The following ADAMTS12 variants were observed in gnomAD, a reference collection of about 807,000 sequenced individuals.
ADAMTS12 encodes the protein ADAM metallopeptidase with thrombospondin type 1 motif 12, also known as A disintegrin and metalloproteinase with thrombospondin motifs 12.
Under a neutral mutation model 167.8 loss-of-function variants are expected in ADAMTS12, and 118 were observed. The ratio of observed to expected loss-of-function variants is 0.70; its 90% CI spans 0.61 to 0.82. ADAMTS12 has a LOEUF of 0.82. Ranked by LOEUF, ADAMTS12 falls within the 40% of genes least tolerant of loss-of-function variation. The pLI, the probability that ADAMTS12 is intolerant of heterozygous loss-of-function variation, is 0.00. For synonymous variants in ADAMTS12, 704 were observed against 716.9 expected, an observed-to-expected ratio of 0.98 and a Z score of 0.29; for missense variants, 1,916 against 1,998.8, an observed-to-expected ratio of 0.96 and a Z score of 0.79.
At position 33,760,920 on chromosome 5, in the gene ADAMTS12, T is replaced by TGTGTGTGC. The variant is rs1323504319; in HGVS notation, c.490-9373_490-9372insGCACACAC. Among the ~76,000 whole-genome samples the TGTGTGTGC allele has an allele frequency of 3.9e-3, 565 of 146,278 alleles. 4 individuals are homozygous for TGTGTGTGC. Among genetic ancestry groups the TGTGTGTGC allele is most frequent in the African/African-American group, 0.014 (542 of 39,656 alleles). The stretch of plus-strand genomic sequence containing the variant: ...GTGTGTGTGTGTGTGTGTGTGTGTG[T>TGTGTGTGC]GCGTATGCGCTTCTAAGCAGCAATC... On this transcript the variant is annotated intron_variant, in intron 2 of 23. Coordinates refer to ENST00000504830, the MANE Select transcript of ADAMTS12 (RefSeq NM_030955.4).
chr5:33,721,950 T>C (rs988480330), intron 3 of ADAMTS12, among the ~76,000 whole-genome samples: 2 of 152,228 alleles, frequency 1.3e-5, no homozygotes, highest in African/African-American at 4.8e-5. Flanking sequence ...GAGTTCTTTA[T>C]ATAAATAAGC....
chr5:33,523,704 C>T lies in ADAMTS12; in HGVS notation c.*3484G>A, dbSNP rs923404246. ...AATGGGCTGGGCCGTGTATGTCATA[C>T]AATTATTTTGGAGGACAATGATGGG... On this transcript the variant is annotated 3_prime_UTR_variant, in exon 24 of 24. Coordinates refer to ENST00000504830, the MANE Select transcript of ADAMTS12 (RefSeq NM_030955.4). 4 of 152,252 alleles carry T rather than the reference C, an allele frequency of 2.6e-5. No homozygotes were observed. The highest frequency in any genetic ancestry group is 7.2e-5 in the African/African-American group (3 of 41,512). The allele number at this position is 152,252 out of a possible 1,614,324, so 9.4% of individuals were successfully genotyped here.
chr5:33,576,977 G>A lies in ADAMTS12; in HGVS notation c.3049C>T (p.Pro1017Ser). Residue 1017 changes from proline to serine, a missense_variant, in exon 19 of 24, where the codon CCA becomes TCA. Pro to Ser is a moderately conservative substitution (Grantham distance 74). Transcript: ENST00000504830. ...GGTGGAGGGACGGGCTTTAGTGTTG[G>A]TGGGTTTTTTCCATTGGAAATAGTG... ...KGTISNGKNP[P>S]TLKPVPPPTS... 2.5e-6 allele frequency: 4 copies of A among 1,614,236 alleles called. No homozygotes were observed. Among genetic ancestry groups the A allele is most frequent in the Non-Finnish European group, 3.4e-6 (4 of 1,180,042 alleles).
intron 19 of ADAMTS12, among the ~76,000 whole-genome samples, chr5:33,571,328 T>C (rs1746332344): frequency 6.6e-6 from 1 of 152,186 alleles, no homozygotes; most frequent in Non-Finnish European, 1.5e-5. Context: ...TATTCCAAAA[T>C]TGACCACATA....
At position 33,526,884 on chromosome 5, in the gene ADAMTS12, G is replaced by C; in HGVS notation, c.*304C>G. ...TCTCTTTGTTTTTATCTTTAAGGGAGAACAAAAATACAGTATTTCACAAAT... is the reference window on the plus strand; with the variant it reads ...TCTCTTTGTTTTTATCTTTAAGGGACAACAAAAATACAGTATTTCACAAAT... On this transcript the variant is annotated 3_prime_UTR_variant, in exon 24 of 24. Coordinates refer to ENST00000504830, the MANE Select transcript of ADAMTS12 (RefSeq NM_030955.4). 7.0e-6 allele frequency: 2 copies of C among 287,110 alleles called. No individual in the cohort carries two copies. The highest frequency in any genetic ancestry group is 1.7e-4 in the South Asian group (2 of 11,610). 17.8% of individuals were successfully genotyped at this position (287,110 alleles called of 1,614,324 possible). A position where few individuals can be genotyped will look rare whatever the true frequency, so the allele number is the denominator to read the frequency against.
intron 16 of ADAMTS12, among the ~76,000 whole-genome samples, chr5:33,597,197 G>A (rs1737935218): frequency 6.6e-6 from 1 of 152,178 alleles, no homozygotes. Flanking sequence ...CATTAGCAAG[G>A]GAATGTAGAG....
At chr5:33,600,563 G>C (rs1441613680) in intron 16 of ADAMTS12, among the ~76,000 whole-genome samples, 3 of 152,140 alleles carry the variant, frequency 2.0e-5, no homozygotes, top group African/African-American at 7.2e-5. Context: ...TAAAACTATA[G>C]TATTTCCTGT....
intron 2 of ADAMTS12, among the ~76,000 whole-genome samples, chr5:33,835,928 T>TCC: frequency 2.0e-5 from 1 of 51,122 alleles, no homozygotes; most frequent in African/African-American, 5.9e-5. Flanking sequence ...TCTCTCTCTC[T>TCC]CTCTCTCTCT....
chr5:33,800,971 A>ATG (rs1430957766), intron 2 of ADAMTS12, among the ~76,000 whole-genome samples: 1 of 152,236 alleles, frequency 6.6e-6, no homozygotes, highest in Non-Finnish European at 1.5e-5. Flanking sequence ...ATGTAGTCAC[A>ATG]TGTATGCTTA....
chr5:33,567,876 T>G (rs1243775059), intron 19 of ADAMTS12, among the ~76,000 whole-genome samples: 1 of 152,166 alleles, frequency 6.6e-6, no homozygotes, highest in Non-Finnish European at 1.5e-5. Flanking sequence ...GGTAATATTT[T>G]CTGACTTGCA....
At chr5:33,870,575 A>C (rs1750000785) in intron 2 of ADAMTS12, among the ~76,000 whole-genome samples, 1 of 152,132 alleles carries the variant, frequency 6.6e-6, no homozygotes, top group South Asian at 2.1e-4. Flanking sequence ...TTGAGAAGGG[A>C]TGATAGTATT....
intron 2 of ADAMTS12, among the ~76,000 whole-genome samples, chr5:33,792,361 G>A (rs1011770572): frequency 2.0e-5 from 3 of 152,180 alleles, no homozygotes; most frequent in African/African-American, 7.2e-5. Context: ...CCAATTGCTT[G>A]ATACCATGAA....
chr5:33,564,674 C>T (rs1444182582), intron 19 of ADAMTS12, among the ~76,000 whole-genome samples: 3 of 152,192 alleles, frequency 2.0e-5, no homozygotes, highest in African/African-American at 7.2e-5. Flanking sequence ...ATCTATTGGG[C>T]ACCATTGGCA....
chr5:33,556,765 T>C (rs1424450114), intron 20 of ADAMTS12, among the ~76,000 whole-genome samples: 2 of 152,200 alleles, frequency 1.3e-5, no homozygotes, highest in African/African-American at 4.8e-5. Flanking sequence ...GGCTCACTCA[T>C]GCCCAGAGAG....
intron 3 of ADAMTS12, among the ~76,000 whole-genome samples, chr5:33,712,175 G>A (rs1337264979): frequency 2.0e-5 from 3 of 152,112 alleles, no homozygotes; most frequent in African/African-American, 4.8e-5. Flanking sequence ...CAGGCACACC[G>A]TAAATACTTA....
intron 12 of ADAMTS12, among the ~76,000 whole-genome samples, chr5:33,635,910 G>A (rs1185829800): frequency 6.6e-6 from 1 of 152,166 alleles, no homozygotes; most frequent in African/African-American, 2.4e-5. Flanking sequence ...TACCGGGATA[G>A]AGGATGAATA....
intron 23 of ADAMTS12, among the ~76,000 whole-genome samples, chr5:33,532,194 G>A (rs992585348): frequency 6.6e-6 from 1 of 152,146 alleles, no homozygotes; most frequent in Admixed American, 6.6e-5. Context: ...GTTATCAGGC[G>A]ATAATATTTT....
intron 11 of ADAMTS12, among the ~76,000 whole-genome samples, chr5:33,640,202 T>C (rs868212232): frequency 7.9e-5 from 12 of 152,294 alleles, no homozygotes; most frequent in South Asian, 4.1e-4. Context: ...TGCGGTGCCA[T>C]TGGCAGTGTT....
chr5:33,721,963 C>A (rs979738960), intron 3 of ADAMTS12, among the ~76,000 whole-genome samples: 1 of 152,180 alleles, frequency 6.6e-6, no homozygotes, highest in Non-Finnish European at 1.5e-5. Context: ...AAATAAGCAG[C>A]AGGATCGGTA....
Sources: allele counts gnomAD v4.1 joint callset (sites outside exome capture counted in the v4.1 genomes callset), GRCh38; gene constraint gnomAD v4.1.1; transcripts MANE v1.5; gene names NCBI Gene and HGNC (gene_info 2026-07-23, HGNC 2026-07-21).